SPAG16: variants seen among roughly 807,000 people sequenced by gnomAD.
The protein encoded by SPAG16 is sperm associated antigen 16.
A neutral mutation model predicts 80.4 loss-of-function variants in SPAG16; 86 were observed. That is an observed-to-expected ratio of 1.07 (90% confidence interval 0.90 to 1.28). The LOEUF is 1.28. Among genes scored for constraint, SPAG16 ranks in the 50% most tolerant of loss-of-function variants. The pLI, the probability that SPAG16 is intolerant of heterozygous loss-of-function variation, is 0.00. For missense variants in SPAG16, 870 were observed against 765.3 expected, an observed-to-expected ratio of 1.14 and a Z score of -1.61; for synonymous variants, 294 against 265.9, an observed-to-expected ratio of 1.11 and a Z score of -1.03.
At chr2:213,311,458 G>T (rs1329383152) in intron 4 of SPAG16, among the ~76,000 whole-genome samples, 1 of 151,608 alleles carries the variant, frequency 6.6e-6, no homozygotes, top group Non-Finnish European at 1.5e-5. Context: ...CAAGTATACT[G>T]TTAACAATTC....
At chr2:214,188,014 C>T (rs1003914765) in intron 15 of SPAG16, among the ~76,000 whole-genome samples, 3 of 152,022 alleles carry the variant, frequency 2.0e-5, no homozygotes, top group African/African-American at 7.2e-5. Flanking sequence ...CAGTTCCATC[C>T]AGAACCATAA....
At chr2:213,361,437 C>A (rs531029912) in intron 7 of SPAG16, among the ~76,000 whole-genome samples, 1 of 149,408 alleles carries the variant, frequency 6.7e-6, no homozygotes, top group South Asian at 2.1e-4. Flanking sequence ...TATTTTAGGT[C>A]TGTCTGCTTG....
At chr2:213,468,430 TA>T (rs2072840189) in intron 9 of SPAG16, among the ~76,000 whole-genome samples, 2 of 143,816 alleles carry the variant, frequency 1.4e-5, no homozygotes, top group Non-Finnish European at 1.5e-5. Context: ...GATATATATA[TA>T]TCTATGTATT....
chr2:213,307,938 A>G (rs1427398728), intron 3 of SPAG16, among the ~76,000 whole-genome samples: 1 of 152,144 alleles, frequency 6.6e-6, no homozygotes, highest in Non-Finnish European at 1.5e-5. Flanking sequence ...TCCTCATTGG[A>G]TTTCCATGTA....
At chr2:213,640,461 C>A (rs981686313) in intron 10 of SPAG16, among the ~76,000 whole-genome samples, 1 of 152,116 alleles carries the variant, frequency 6.6e-6, no homozygotes, top group Non-Finnish European at 1.5e-5. Context: ...GTGTTCTCCC[C>A]CTTTTCCTAG....
chr2:213,515,707 G>C (rs1409250096), intron 10 of SPAG16, among the ~76,000 whole-genome samples: 2 of 152,066 alleles, frequency 1.3e-5, no homozygotes, highest in East Asian at 1.9e-4. Context: ...AGCAGAAAAG[G>C]CTCACTGCAT....
At chr2:214,404,523 ATAGG>A (rs1264753374) in intron 15 of SPAG16, among the ~76,000 whole-genome samples, 1 of 152,226 alleles carries the variant, frequency 6.6e-6, no homozygotes, top group Non-Finnish European at 1.5e-5. Flanking sequence ...AGGAATTAAT[ATAGG>A]TAGATTTAAA....
intron 10 of SPAG16, among the ~76,000 whole-genome samples, chr2:213,706,802 G>A (rs1434186703): frequency 2.0e-5 from 3 of 152,132 alleles, no homozygotes; most frequent in Non-Finnish European, 4.4e-5. Flanking sequence ...ATGGCTTGAA[G>A]TTTCATGAGA....
At chr2:213,529,141 A>G (rs1443205604) in intron 10 of SPAG16, among the ~76,000 whole-genome samples, 2 of 152,168 alleles carry the variant, frequency 1.3e-5, no homozygotes, top group Non-Finnish European at 2.9e-5. Flanking sequence ...GATGACATAA[A>G]TTTCATTATT....
At chr2:214,245,876 A>C (rs565123272) in intron 15 of SPAG16, among the ~76,000 whole-genome samples, 3 of 152,284 alleles carry the variant, frequency 2.0e-5, no homozygotes, top group African/African-American at 7.2e-5. Flanking sequence ...TCCCTAGTAC[A>C]CTTCAAAGGG....
At chr2:214,266,640 T>C (rs1188219572) in intron 15 of SPAG16, among the ~76,000 whole-genome samples, 2 of 151,692 alleles carry the variant, frequency 1.3e-5, no homozygotes, top group African/African-American at 2.4e-5. Context: ...CAGAAAAGAA[T>C]AAAGTGAAAT....
chr2:213,842,179 C>T (rs560766837), intron 10 of SPAG16, among the ~76,000 whole-genome samples: 1 of 152,220 alleles, frequency 6.6e-6, no homozygotes, highest in South Asian at 2.1e-4. Context: ...AAAGCTTTTA[C>T]AATCTAGATC....
chr2:213,475,200 A>C (rs554082479), intron 9 of SPAG16, among the ~76,000 whole-genome samples: 1 of 152,116 alleles, frequency 6.6e-6, no homozygotes, highest in African/African-American at 2.4e-5. Flanking sequence ...AAGCCTCTAT[A>C]TAACTGTCCG....
At chr2:214,135,326 T>A (rs1377906528) in intron 14 of SPAG16, among the ~76,000 whole-genome samples, 1 of 152,204 alleles carries the variant, frequency 6.6e-6, no homozygotes, top group African/African-American at 2.4e-5. Flanking sequence ...TAGTTACTCT[T>A]CTGCCTTGTC....
chr2:214,359,754 A>G (rs1026282466), intron 15 of SPAG16, among the ~76,000 whole-genome samples: 15 of 151,862 alleles, frequency 9.9e-5, no homozygotes, highest in African/African-American at 3.6e-4. Flanking sequence ...AATTAATTAA[A>G]TGTATTAAGG....
At chr2:213,478,124 T>C (rs1283414348) in intron 9 of SPAG16, among the ~76,000 whole-genome samples, 1 of 152,184 alleles carries the variant, frequency 6.6e-6, no homozygotes, top group Admixed American at 6.6e-5. Flanking sequence ...TCTGCCATGA[T>C]AGTAAGTTTT....
intron 11 of SPAG16, among the ~76,000 whole-genome samples, chr2:213,892,281 T>C (rs1314116433): frequency 6.9e-6 from 1 of 145,244 alleles, no homozygotes; most frequent in Admixed American, 6.8e-5. Context: ...CACCCAGAGC[T>C]GAAAAGGAGG....
At chr2:214,368,528 A>G (rs1699622663) in intron 15 of SPAG16, among the ~76,000 whole-genome samples, 1 of 152,114 alleles carries the variant, frequency 6.6e-6, no homozygotes, top group Non-Finnish European at 1.5e-5. Flanking sequence ...ATCTCAGGTT[A>G]GCATAAAGTA....
intron 11 of SPAG16, among the ~76,000 whole-genome samples, chr2:213,893,873 C>T (rs899608773): frequency 6.6e-6 from 1 of 151,834 alleles, no homozygotes; most frequent in African/African-American, 2.4e-5. Flanking sequence ...AAACAAGCAA[C>T]GAAATGGCAG....
Sources: allele counts gnomAD v4.1 joint callset (sites outside exome capture counted in the v4.1 genomes callset), GRCh38; gene constraint gnomAD v4.1.1; transcripts MANE v1.5; gene names NCBI Gene and HGNC (gene_info 2026-07-23, HGNC 2026-07-21).